UBE2E1: variants seen among roughly 807,000 people sequenced by gnomAD.
The protein encoded by UBE2E1 is ubiquitin-conjugating enzyme E2 E1.
UBE2E1 carries 6 observed loss-of-function variants against 21.4 expected under a neutral mutation model. That is an observed-to-expected ratio of 0.28 (90% CI 0.15 to 0.55). The LOEUF (loss-of-function observed/expected upper bound fraction) is 0.55, where lower values mean the gene tolerates loss of function less well. UBE2E1 is among the 20% of genes least tolerant of loss of function. The pLI, the probability that UBE2E1 is intolerant of heterozygous loss-of-function variation, is 0.93. For missense variants in UBE2E1, 142 were observed against 236.5 expected (o/e 0.60, Z 2.62); for synonymous variants, 87 against 82.7 (o/e 1.05, Z -0.28).
intron 3 of UBE2E1, among the ~76,000 whole-genome samples, chr3:23,873,719 C>T (rs1700852801): frequency 6.6e-6 from 1 of 152,272 alleles, no homozygotes; most frequent in East Asian, 1.9e-4. Flanking sequence ...GCACTCCAGC[C>T]TGGGCGACAG....
chr3:23,871,724 C>T (rs1382842386), intron 3 of UBE2E1, among the ~76,000 whole-genome samples: 1 of 151,766 alleles, frequency 6.6e-6, no homozygotes, highest in Non-Finnish European at 1.5e-5. Flanking sequence ...GTGCTCCTCA[C>T]ATCCCAGACG....
At chr3:23,817,253 G>C (rs1255165333) in intron 3 of UBE2E1, among the ~76,000 whole-genome samples, 1 of 151,794 alleles carries the variant, frequency 6.6e-6, no homozygotes, top group East Asian at 1.9e-4. Flanking sequence ...CACCAGACTG[G>C]CCAACTAAAA....
intron 5 of UBE2E1, among the ~76,000 whole-genome samples, chr3:23,890,019 G>C (rs980821818): frequency 6.6e-6 from 1 of 151,980 alleles, no homozygotes; most frequent in Non-Finnish European, 1.5e-5. Flanking sequence ...TACTTAATTG[G>C]AGGTCCAGGT....
intron 4 of UBE2E1, chr3:23,888,402 T>G (rs1701245758): frequency 2.8e-6 from 1 of 356,196 alleles, no homozygotes; most frequent in South Asian, 2.0e-5. Context: ...GAAAGTCACT[T>G]TTTTAAAAAA....
chr3:23,878,288 G>A (rs1164663947), intron 3 of UBE2E1, among the ~76,000 whole-genome samples: 4 of 152,178 alleles, frequency 2.6e-5, no homozygotes, highest in Non-Finnish European at 5.9e-5. Context: ...CCAGGCTGTA[G>A]ACACACTGCA....
Position 23,887,759 on chromosome 3 carries a change from G to C in UBE2E1, c.336+60G>C, listed in dbSNP as rs958780127. 30 of 1,543,840 alleles carry C rather than the reference G, an allele frequency of 1.9e-5. No homozygotes were observed. The highest frequency in any genetic ancestry group is 2.5e-5 in the Non-Finnish European group (29 of 1,151,810). On this transcript the variant is annotated intron_variant, in intron 4 of 5. Coordinates refer to ENST00000306627, the MANE Select transcript of UBE2E1 (RefSeq NM_003341.5). The surrounding 1 kb of genome is among the most constrained non-coding windows in gnomAD (Gnocchi z 4.4). Reference sequence around the variant, plus strand: ...TTCCCACAAGAGAGCAACTGTTGAGGTTTTTCTAAATTTAATTTTTAATCA... The same window carrying C: ...TTCCCACAAGAGAGCAACTGTTGAGCTTTTTCTAAATTTAATTTTTAATCA...
chr3:23,882,716 C>G (rs549519354), intron 3 of UBE2E1, among the ~76,000 whole-genome samples: 3 of 152,340 alleles, frequency 2.0e-5, no homozygotes, highest in Admixed American at 6.5e-5. Flanking sequence ...AGAATTTGAG[C>G]CTGTTGCTGG....
chr3:23,850,441 T>C (rs1456275045), intron 3 of UBE2E1, among the ~76,000 whole-genome samples: 1 of 152,158 alleles, frequency 6.6e-6, no homozygotes, highest in East Asian at 1.9e-4. Context: ...TTCAATGAAG[T>C]CCAGTTTACC....
intron 3 of UBE2E1, among the ~76,000 whole-genome samples, chr3:23,840,378 G>A (rs1417637616): frequency 6.6e-6 from 1 of 152,076 alleles, no homozygotes; most frequent in African/African-American, 2.4e-5. Context: ...GCCTTTTTGA[G>A]TGCTGCCTTT....
Position 23,810,388 on chromosome 3 carries a change from T to G in UBE2E1, c.153-1072T>G. The G allele has an allele frequency of 6.6e-7, 1 of 1,521,550 alleles. No individual in the cohort carries two copies. The allele number at this position is 1,521,550 out of a possible 1,614,324, so 94.3% of individuals were successfully genotyped here. On this transcript the variant is annotated intron_variant, in intron 2 of 5. Coordinates refer to ENST00000306627, the MANE Select transcript of UBE2E1 (RefSeq NM_003341.5). The surrounding 1 kb of genome is among the most constrained non-coding windows in gnomAD (Gnocchi z 5.8). ...GTGGCTTCGGCCTATGAGTGGGGGA[T>G]GGGGCCCTTTGTGAAGTCGAGGGTT...
intron 3 of UBE2E1, among the ~76,000 whole-genome samples, chr3:23,833,784 G>C (rs1255145875): frequency 6.6e-6 from 1 of 152,176 alleles, no homozygotes; most frequent in Non-Finnish European, 1.5e-5. Context: ...ATTTCTTGGG[G>C]CTAGAAGTTC....
chr3:23,882,867 C>G (rs1305338476), intron 3 of UBE2E1, among the ~76,000 whole-genome samples: 1 of 152,218 alleles, frequency 6.6e-6, no homozygotes, highest in South Asian at 2.1e-4. Flanking sequence ...CCGGAACTCT[C>G]GCTGTTCCAT....
At chr3:23,815,234 G>C (rs1328339285) in intron 3 of UBE2E1, among the ~76,000 whole-genome samples, 3 of 152,200 alleles carry the variant, frequency 2.0e-5, no homozygotes, top group Admixed American at 6.5e-5. Flanking sequence ...CACCCACTTT[G>C]CCCTTCCAGA....
rs554867701 is a variant in UBE2E1 at position 23,842,922 on chromosome 3, T to A, written c.203+31412T>A. On this transcript the variant is annotated intron_variant, in intron 3 of 5. Transcript: ENST00000306627. The surrounding 1 kb of genome is among the most constrained non-coding windows in gnomAD (Gnocchi z 4.6). The stretch of plus-strand genomic sequence containing the variant: ...TGTTTTATTTGAATAAAGAACCCTA[T>A]AGTAGCATGATTATGGTAGTTATGG... 1.8e-3 allele frequency among the ~76,000 whole-genome samples: 281 copies of A among 152,278 alleles called. No individual in the cohort carries two copies. Among genetic ancestry groups the A allele is most frequent in the Middle Eastern group, 0.01 (3 of 292 alleles).
At chr3:23,832,518 A>G (rs1474807800) in intron 3 of UBE2E1, among the ~76,000 whole-genome samples, 1 of 152,064 alleles carries the variant, frequency 6.6e-6, no homozygotes. Context: ...GGTGGTGGGC[A>G]CCTGTAATCC....
chr3:23,876,183 A>G lies in UBE2E1; in HGVS notation c.204-11384A>G, dbSNP rs371175727. Among the ~76,000 whole-genome samples the G allele has an allele frequency of 2.0e-5, 3 of 152,288 alleles. No homozygotes were observed. Among genetic ancestry groups the G allele is most frequent in the South Asian group, 2.1e-4 (1 of 4,828 alleles). ...AGTTAACCTGAATGGTACATTCCTC[A>G]CAGTACCAGAGCCTCTTCCTTTCCT... On this transcript the variant is annotated intron_variant, in intron 3 of 5. Transcript: ENST00000306627. This position sits in a 1 kb window ranked among gnomAD's most constrained non-coding sequence, Gnocchi z 4.3.
intron 3 of UBE2E1, among the ~76,000 whole-genome samples, chr3:23,840,117 ATTTC>A (rs1238344176): frequency 6.6e-6 from 1 of 152,034 alleles, no homozygotes; most frequent in Middle Eastern, 3.2e-3. Context: ...CAGTTGTTGT[ATTTC>A]TTCATATCTG....
In UBE2E1 at chr3:23,890,787, T is replaced by C. The variant is rs953943691; in HGVS notation, c.*181T>C. 15 of 484,490 alleles carry C rather than the reference T, an allele frequency of 3.1e-5. No homozygotes were observed. The highest frequency in any genetic ancestry group is 1.0e-4 in the African/African-American group (5 of 49,898). The allele number at this position is 484,490 out of a possible 1,614,324, so 30.0% of individuals were successfully genotyped here. A position where few individuals can be genotyped will look rare whatever the true frequency, so the allele number is the denominator to read the frequency against. ...AGGTATCTTGCTACAGTAGACAGAA[T>C]TGGTAATAGCAACTTTTAAAATTGT... On this transcript the variant is annotated 3_prime_UTR_variant, in exon 6 of 6. Coordinates refer to ENST00000306627, the MANE Select transcript of UBE2E1 (RefSeq NM_003341.5).
Position 23,887,495 on chromosome 3 carries a change from C to A in UBE2E1, c.204-72C>A. Reference sequence around the variant, plus strand: ...AAAGAGAGGAGAGAGGTAATCTTTCCATCTCTTTTAATACACTGTAAAAAT... The same window carrying A: ...AAAGAGAGGAGAGAGGTAATCTTTCAATCTCTTTTAATACACTGTAAAAAT... On this transcript the variant is annotated intron_variant, in intron 3 of 5. Coordinates refer to ENST00000306627, the MANE Select transcript of UBE2E1 (RefSeq NM_003341.5). This position sits in a 1 kb window ranked among gnomAD's most constrained non-coding sequence, Gnocchi z 4.4. 1 of 1,502,498 alleles carries A rather than the reference C, an allele frequency of 6.7e-7. No homozygotes were observed. The highest frequency in any genetic ancestry group is 8.9e-7 in the Non-Finnish European group (1 of 1,127,486). The allele number at this position is 1,502,498 out of a possible 1,614,324, so 93.1% of individuals were successfully genotyped here. A position where few individuals can be genotyped will look rare whatever the true frequency, so the allele number is the denominator to read the frequency against.
Sources: allele counts gnomAD v4.1 joint callset (sites outside exome capture counted in the v4.1 genomes callset), GRCh38; gene constraint gnomAD v4.1.1; non-coding constraint Gnocchi (gnomAD v3.1); transcripts MANE v1.5; gene names NCBI Gene and HGNC (gene_info 2026-07-23, HGNC 2026-07-21).